The following SCAF8 variants were observed in gnomAD, a reference collection of about 807,000 sequenced individuals.
The protein encoded by SCAF8 is SR-related CTD associated factor 8.
In SCAF8, 23 loss-of-function variants were observed where a neutral mutation model predicts 140.5. That is an observed-to-expected ratio of 0.16 (90% CI 0.12 to 0.23). The LOEUF is 0.23. SCAF8 is among the 10% of genes least tolerant of loss of function. The probability of loss-of-function intolerance (pLI) is 1.00; values close to 1 mark genes in which losing one functional copy is unlikely to be tolerated. For synonymous variants in SCAF8, 575 were observed against 528.9 expected, an observed-to-expected ratio of 1.09 and a Z score of -1.20; for missense variants, 1,397 against 1,555.7, an observed-to-expected ratio of 0.90 and a Z score of 1.72.
chr6:154,772,661 C>T (rs1324304320), intron 1 of SCAF8, among the ~76,000 whole-genome samples: 2 of 152,138 alleles, frequency 1.3e-5, no homozygotes, highest in African/African-American at 2.4e-5. Context: ...TGAACTCCAG[C>T]CTGGGTGGCA....
chr6:154,742,072 A>T, intron 1 of SCAF8: 1 of 1,190,980 alleles, frequency 8.4e-7, no homozygotes. Flanking sequence ...GTTAGGTTTC[A>T]ATTGGTAGTG....
At chr6:154,824,550 T>A (rs1382832880) in intron 17 of SCAF8, among the ~76,000 whole-genome samples, 172 bp downstream of exon 17, 1 of 152,188 alleles carries the variant, frequency 6.6e-6, no homozygotes, top group African/African-American at 2.4e-5. Context: ...ACTCAGTCTG[T>A]GGTAGGGGCC....
rs149027642 is a variant in SCAF8 at position 154,754,064 on chromosome 6, G to A, written c.31-19925G>A. 1.4e-4 allele frequency among the ~76,000 whole-genome samples: 22 copies of A among 152,324 alleles called. No individual in the cohort carries two copies. In the East Asian group the frequency reaches 3.7e-3, roughly 25 times the overall value. The stretch of plus-strand genomic sequence containing the variant: ...ACAGTATGTGTCTTAGCCATTAGGA[G>A]AAAGGTGGAGTTAGTCTATTTTAAT... On this transcript the variant is annotated intron_variant, in intron 1 of 19. Transcript: ENST00000367178.
intron 1 of SCAF8, among the ~76,000 whole-genome samples, chr6:154,742,594 G>C (rs1258068421): frequency 6.6e-6 from 1 of 152,058 alleles, no homozygotes; most frequent in African/African-American, 2.4e-5. Flanking sequence ...TGCTTTTTCT[G>C]ATTTTGATTT....
At chr6:154,817,535 T>C (rs969329871) in intron 13 of SCAF8, among the ~76,000 whole-genome samples, 1 of 152,158 alleles carries the variant, frequency 6.6e-6, no homozygotes, top group African/African-American at 2.4e-5. Flanking sequence ...ATTGGTGAGC[T>C]TGAAGAGAGT....
chr6:154,743,305 A>G (rs1183295217), intron 1 of SCAF8, among the ~76,000 whole-genome samples: 3 of 152,200 alleles, frequency 2.0e-5, no homozygotes, highest in Non-Finnish European at 2.9e-5. Flanking sequence ...TGTCTGTTAT[A>G]TATGTTTTAA....
intron 3 of SCAF8, among the ~76,000 whole-genome samples, chr6:154,779,877 T>G (rs940209458): frequency 1.3e-5 from 2 of 151,852 alleles, no homozygotes; most frequent in African/African-American, 4.8e-5. Flanking sequence ...CATGTAGAGA[T>G]CCCATGTGCC....
chr6:154,832,215 A>G lies in SCAF8; in HGVS notation c.2636A>G (p.Asn879Ser). 12 of 1,614,152 alleles carry G rather than the reference A, an allele frequency of 7.4e-6. No homozygotes were observed. The highest frequency in any genetic ancestry group is 9.3e-6 in the Non-Finnish European group (11 of 1,180,008). The change falls in exon 20 of 20, where the codon AAT becomes AGT. Residue 879 changes from asparagine (N) to serine (S), a missense_variant. Asn to Ser is a conservative substitution (Grantham distance 46). Coordinates refer to ENST00000367178, the MANE Select transcript of SCAF8 (RefSeq NM_014892.5). The stretch of plus-strand genomic sequence containing the variant: ...GTGCTACCCCCAAATATACCTAACA[A>G]TTCTGGACTTGTAGGAGTACAGCCA... ...LGVLPPNIPN[N>S]SGLVGVQPPN...
intron 1 of SCAF8, among the ~76,000 whole-genome samples, chr6:154,751,836 A>T (rs755182292): frequency 2.6e-5 from 4 of 152,152 alleles, no homozygotes; most frequent in Non-Finnish European, 5.9e-5. Flanking sequence ...GGAGCATACT[A>T]CTGTGCTGCT....
chr6:154,808,837 T>C (rs377525884), intron 11 of SCAF8, 39 bp downstream of exon 11: 491 of 1,343,938 alleles, frequency 3.7e-4, no homozygotes, highest in Non-Finnish European at 4.9e-4. Flanking sequence ...TGTGTGAACT[T>C]TAAAATGTTG....
chr6:154,795,185 T>C, intron 6 of SCAF8, 46 bp downstream of exon 6: 1 of 1,527,476 alleles, frequency 6.5e-7, no homozygotes. Context: ...GAATTTAATA[T>C]TTTCCTAATG....
At chr6:154,780,838 T>C (rs1217336847) in intron 3 of SCAF8, among the ~76,000 whole-genome samples, 1 of 152,218 alleles carries the variant, frequency 6.6e-6, no homozygotes, top group Non-Finnish European at 1.5e-5. Flanking sequence ...AACATACGTG[T>C]GCATGCGTCT....
chr6:154,808,170 A>G lies in SCAF8; in HGVS notation c.1082A>G (p.Asn361Ser), dbSNP rs771090776. Residue 361 changes from asparagine (N) to serine (S), a missense_variant, in exon 10 of 20, where the codon AAT becomes AGT. Asn to Ser is a conservative substitution (Grantham distance 46, BLOSUM62 1). Transcript: ENST00000367178. ...SQQHFLEPEV[N>S]LDDSIDIQQQ... ...CAGCATTTTCTTGAACCTGAAGTCA[A>G]TTTGGATGATTCCATAGATATTCAG... The G allele has an allele frequency of 4.0e-5, 65 of 1,613,890 alleles. No individual in the cohort carries two copies. The highest frequency in any genetic ancestry group is 5.4e-5 in the Non-Finnish European group (64 of 1,179,864).
Position 154,833,250 on chromosome 6 carries a change from A to G in SCAF8, c.3671A>G (p.Gln1224Arg), listed in dbSNP as rs769561614. ...GGTGAAAATACAGAGAGACATGCTC[A>G]GCCACCACCTATACCAGTACAGAAT... The part of the protein sequence containing the change: ...VNGENTERHA[Q>R]PPPIPVQNDP... Residue 1224 changes from glutamine (Q) to arginine (R), a missense_variant, in exon 20 of 20, where the codon CAG (glutamine) becomes CGG (arginine). Gln to Arg is a conservative substitution (Grantham distance 43). Transcript: ENST00000367178. The G allele has an allele frequency of 6.2e-7, 1 of 1,614,080 alleles. No individual in the cohort carries two copies. Among genetic ancestry groups the G allele is most frequent in the East Asian group, 2.2e-5 (1 of 44,840 alleles).
intron 1 of SCAF8, among the ~76,000 whole-genome samples, chr6:154,766,060 C>G (rs943219627): frequency 7.1e-6 from 1 of 141,178 alleles, no homozygotes; most frequent in African/African-American, 2.5e-5. Context: ...ATACTGTATT[C>G]TTAAAGTAAG....
Position 154,799,613 on chromosome 6 carries a change from TC to T in SCAF8, c.607-2356del, listed in dbSNP as rs1777711092. Among the ~76,000 whole-genome samples, 2 of 151,298 alleles carry T rather than the reference TC, an allele frequency of 1.3e-5. 1 individual carries two copies. The highest frequency in any genetic ancestry group is 3.0e-5 in the Non-Finnish European group (2 of 67,738). On this transcript the variant is annotated intron_variant, in intron 6 of 19. Coordinates refer to ENST00000367178, the MANE Select transcript of SCAF8 (RefSeq NM_014892.5). The stretch of plus-strand genomic sequence containing the variant: ...CTCACCTCTTTCTCCTGTAACTTGT[TC>T]CATCCTTTTTGTTGTTTCTTAAATA...
chr6:154,762,742 T>C (rs1776443577), intron 1 of SCAF8, among the ~76,000 whole-genome samples: 1 of 152,232 alleles, frequency 6.6e-6, no homozygotes, highest in Admixed American at 6.5e-5. Context: ...TTCATTACTA[T>C]CACTTATAAA....
At chr6:154,758,162 T>G (rs1029126769) in intron 1 of SCAF8, among the ~76,000 whole-genome samples, 1 of 152,164 alleles carries the variant, frequency 6.6e-6, no homozygotes, top group Non-Finnish European at 1.5e-5. Flanking sequence ...TCTGCCTGCC[T>G]TGGCCTCCCA....
At chr6:154,822,170 T>A in intron 15 of SCAF8, 106 bp from the exon 16 acceptor site, 1 of 1,175,298 alleles carries the variant, frequency 8.5e-7, no homozygotes, top group South Asian at 1.8e-5. Context: ...ATCTTAAAGA[T>A]GTGCCAAGGT....
Sources: gnomAD v4.1 joint callset for allele counts (sites outside exome capture counted in the v4.1 genomes callset) on GRCh38, gnomAD v4.1.1 for gene constraint, MANE v1.5 for transcripts, NCBI Gene and HGNC (gene_info 2026-07-23, HGNC 2026-07-21) for gene names.